The following RMP64 variants were observed in gnomAD, a reference collection of about 807,000 sequenced individuals.
RMP64 encodes the protein nucleolus and neural progenitor protein.
At chr3:113,010,290 CAGA>C in the RMP64 span, among the ~76,000 whole-genome samples, 3 of 152,134 alleles carry the variant, frequency 2.0e-5, no homozygotes, top group East Asian at 1.9e-4. Flanking sequence ...AGGAAACTCA[CAGA>C]AGGTCACACA....
chr3:113,007,277 A>G, the RMP64 span, among the ~76,000 whole-genome samples: 4 of 152,186 alleles, frequency 2.6e-5, no homozygotes, highest in Non-Finnish European at 4.4e-5. Flanking sequence ...TTTTAATCAA[A>G]ATGTGTTACA....
At chr3:113,017,743 C>T in the RMP64 span, 6 of 676,742 alleles carry the variant, frequency 8.9e-6, no homozygotes, top group South Asian at 7.4e-5. Flanking sequence ...ACTGTAAGAA[C>T]GTAAGGATTC....
At chr3:113,016,208 A>G in the RMP64 span, among the ~76,000 whole-genome samples, 1 of 152,206 alleles carries the variant, frequency 6.6e-6, no homozygotes, top group Non-Finnish European at 1.5e-5. Flanking sequence ...TACTCAGGAC[A>G]CAATGGAGAA....
chr3:113,016,384 G>C, the RMP64 span, among the ~76,000 whole-genome samples: 1 of 152,076 alleles, frequency 6.6e-6, no homozygotes, highest in Non-Finnish European at 1.5e-5. Context: ...ACTGAAGAGG[G>C]GACCAGATGC....
the RMP64 span, chr3:113,017,413 G>A: frequency 1.3e-6 from 2 of 1,575,180 alleles, no homozygotes; most frequent in Non-Finnish European, 1.7e-6. Flanking sequence ...ATTTTCAAGT[G>A]AACAGGTTGG....
chr3:113,011,380 CT>C, the RMP64 span: 1 of 1,594,272 alleles, frequency 6.3e-7, no homozygotes, highest in Non-Finnish European at 8.5e-7. Flanking sequence ...CAAAATCAAC[CT>C]TTTTAAGACA....
chr3:113,010,004 C>T, the RMP64 span, among the ~76,000 whole-genome samples: 1 of 144,456 alleles, frequency 6.9e-6, no homozygotes, highest in Non-Finnish European at 1.5e-5. Context: ...CTGAGTAAAA[C>T]AGTAATGCCG....
chr3:113,007,577 A>G, the RMP64 span, among the ~76,000 whole-genome samples: 30 of 152,354 alleles, frequency 2.0e-4, no homozygotes, highest in Non-Finnish European at 4.0e-4. Context: ...TCTAATGTCT[A>G]AATTCATGTA....
At chr3:113,005,847 G>T in the RMP64 span, 1 of 1,613,916 alleles carries the variant, frequency 6.2e-7, no homozygotes, top group Non-Finnish European at 8.5e-7. Flanking sequence ...TCCCTTAAAA[G>T]AGTCGACTGC....
chr3:113,006,914 G>A, the RMP64 span, among the ~76,000 whole-genome samples: 1 of 152,078 alleles, frequency 6.6e-6, no homozygotes, highest in Non-Finnish European at 1.5e-5. Context: ...ACCTCACAAT[G>A]TTATTATGGA....
chr3:113,011,124 T>C, the RMP64 span: 10 of 1,613,314 alleles, frequency 6.2e-6, no homozygotes, highest in African/African-American at 1.3e-4. Context: ...GTTTAGCTTT[T>C]TTTGAAATTC....
chr3:113,010,919 T>A, the RMP64 span: 1 of 920,450 alleles, frequency 1.1e-6, no homozygotes, highest in Non-Finnish European at 1.6e-6. Flanking sequence ...CTAATCAATA[T>A]GAGTCAAAAT....
the RMP64 span, chr3:113,004,840 A>G: frequency 2.0e-5 from 3 of 152,384 alleles, no homozygotes; most frequent in African/African-American, 7.2e-5. Flanking sequence ...ATGTAACCAT[A>G]AACCACCTTA....
chr3:113,017,665 AAC>A, the RMP64 span: 16 of 1,402,470 alleles, frequency 1.1e-5, no homozygotes, highest in Non-Finnish European at 1.4e-5. Flanking sequence ...TTATATTAAA[AAC>A]ACACTAAAAA....
chr3:113,004,025 A>G, the RMP64 span: 3 of 152,252 alleles, frequency 2.0e-5, no homozygotes, highest in Non-Finnish European at 4.4e-5. Flanking sequence ...CAATAGGTAA[A>G]GGATATTCAT....
chr3:113,019,460 C>G, the RMP64 span: 4 of 1,178,940 alleles, frequency 3.4e-6, no homozygotes, highest in Non-Finnish European at 4.9e-6. Context: ...AGTCCCGGTA[C>G]CACCCCCGCC....
the RMP64 span, chr3:113,012,653 T>C: frequency 1.2e-6 from 1 of 822,782 alleles, no homozygotes; most frequent in Non-Finnish European, 2.1e-6. Context: ...CATAAGAAAA[T>C]AAGTTTGAAA....
the RMP64 span, chr3:113,013,418 A>G: frequency 8.2e-6 from 13 of 1,575,916 alleles, no homozygotes; most frequent in Non-Finnish European, 1.1e-5. Context: ...AAAAAAATAG[A>G]AAAAGTACAT....
the RMP64 span, chr3:113,017,433 A>G: frequency 6.2e-7 from 1 of 1,611,650 alleles, no homozygotes; most frequent in Non-Finnish European, 8.5e-7. Context: ...GGTCTCACCT[A>G]CCGGGCTTCC....
Sources: allele counts gnomAD v4.1 joint callset (sites outside exome capture counted in the v4.1 genomes callset), GRCh38; gene constraint gnomAD v4.1.1; transcripts MANE v1.5; gene names NCBI Gene and HGNC (gene_info 2026-07-23, HGNC 2026-07-21).